SYNPR: variants seen among roughly 807,000 people sequenced by gnomAD.
The protein encoded by SYNPR is synaptoporin.
A neutral mutation model predicts 32.9 loss-of-function variants in SYNPR; 23 were observed. That is an observed-to-expected ratio of 0.70 (90% confidence interval 0.50 to 0.99). The LOEUF (loss-of-function observed/expected upper bound fraction) is 0.99, where lower values mean the gene tolerates loss of function less well. SYNPR is among the 50% of genes least tolerant of loss of function. The probability of loss-of-function intolerance (pLI) is 0.00; values close to 1 mark genes in which losing one functional copy is unlikely to be tolerated. For synonymous variants in SYNPR, 146 were observed against 135.9 expected (o/e 1.07, Z -0.52); for missense variants, 318 against 349.3 (o/e 0.91, Z 0.71).
chr3:63,284,905 T>C (rs1376706949), intron 2 of SYNPR, among the ~76,000 whole-genome samples: 1 of 152,232 alleles, frequency 6.6e-6, no homozygotes, highest in Non-Finnish European at 1.5e-5. Context: ...CTGTGTAACT[T>C]TAACATTCCC....
chr3:63,202,702 A>G, the SYNPR span, among the ~76,000 whole-genome samples: 6 of 152,326 alleles, frequency 3.9e-5, no homozygotes, highest in East Asian at 5.8e-4. Flanking sequence ...AGGATATTTC[A>G]TAATCAAACA....
At chr3:63,493,143 G>A (rs1701287387) in intron 3 of SYNPR, among the ~76,000 whole-genome samples, 1 of 152,058 alleles carries the variant, frequency 6.6e-6, no homozygotes, top group South Asian at 2.1e-4. Flanking sequence ...GGGTCAAGCT[G>A]GTGTCAACTG....
chr3:63,329,370 C>T (rs2087201062), intron 2 of SYNPR, among the ~76,000 whole-genome samples: 1 of 152,084 alleles, frequency 6.6e-6, no homozygotes, highest in Non-Finnish European at 1.5e-5. Flanking sequence ...CAAAGTGGCA[C>T]AGCTGTTTAG....
chr3:63,426,938 T>C (rs1373493486), intron 2 of SYNPR: 1 of 152,180 alleles, frequency 6.6e-6, no homozygotes, highest in African/African-American at 2.4e-5. Context: ...TTTAAAATAA[T>C]TTTAAAATAA....
intron 4 of SYNPR, among the ~76,000 whole-genome samples, chr3:63,595,747 AT>A (rs1559546194): frequency 0.014 from 669 of 47,372 alleles, 45 homozygotes; most frequent in East Asian, 0.079. Context: ...ATATATATAT[AT>A]ATATATATAT....
chr3:63,491,002 G>A (rs1701248935), intron 3 of SYNPR, among the ~76,000 whole-genome samples: 1 of 152,084 alleles, frequency 6.6e-6, no homozygotes, highest in Non-Finnish European at 1.5e-5. Flanking sequence ...GACCTCAGGT[G>A]ATCTGCCCAC....
At chr3:63,347,483 TA>T (rs55873629) in intron 2 of SYNPR, among the ~76,000 whole-genome samples, 2 of 152,338 alleles carry the variant, frequency 1.3e-5, no homozygotes, top group Non-Finnish European at 2.9e-5. Context: ...TTTGTTCTTT[TA>T]AAAACATTTG....
intron 3 of SYNPR, among the ~76,000 whole-genome samples, chr3:63,531,742 A>G (rs768588782): frequency 6.6e-6 from 1 of 152,196 alleles, no homozygotes; most frequent in South Asian, 2.1e-4. Flanking sequence ...AGCCCTGGGA[A>G]CAAATGAGGA....
chr3:63,406,174 T>A (rs1369928778), intron 2 of SYNPR, among the ~76,000 whole-genome samples: 1 of 151,314 alleles, frequency 6.6e-6, no homozygotes, highest in African/African-American at 2.4e-5. Flanking sequence ...AACATTCAAG[T>A]CTTGAGGTGC....
chr3:63,389,349 G>T (rs1575620487), intron 2 of SYNPR, among the ~76,000 whole-genome samples: 1 of 152,192 alleles, frequency 6.6e-6, no homozygotes. Flanking sequence ...CGTATCTGCA[G>T]CACAGTCTAA....
At chr3:63,371,088 A>G (rs1352122316) in intron 2 of SYNPR, among the ~76,000 whole-genome samples, 1 of 152,098 alleles carries the variant, frequency 6.6e-6, no homozygotes, top group Non-Finnish European at 1.5e-5. Context: ...GAGGAATGAG[A>G]CAAGACAACC....
chr3:63,378,633 A>G (rs1033008355), intron 2 of SYNPR, among the ~76,000 whole-genome samples: 2 of 151,878 alleles, frequency 1.3e-5, no homozygotes, highest in African/African-American at 4.8e-5. Flanking sequence ...AGTTATTCTC[A>G]TTCCTTTGCC....
At chr3:63,613,707 G>A (rs1700237413) in intron 5 of SYNPR, among the ~76,000 whole-genome samples, 1 of 146,774 alleles carries the variant, frequency 6.8e-6, no homozygotes, top group Middle Eastern at 3.7e-3. Context: ...CATTTAGTAA[G>A]TATTTGCTAA....
At chr3:63,604,734 G>A (rs186113181) in intron 4 of SYNPR, among the ~76,000 whole-genome samples, 173 of 152,218 alleles carry the variant, frequency 1.1e-3, no homozygotes, top group African/African-American at 3.8e-3. Context: ...AAAATTTACT[G>A]AGGATGGTAA....
intron 3 of SYNPR, among the ~76,000 whole-genome samples, chr3:63,270,949 T>TCTTC (rs1318042288): frequency 6.1e-5 from 3 of 48,874 alleles, no homozygotes; most frequent in Non-Finnish European, 1.1e-4. Flanking sequence ...TTCCTTCTTT[T>TCTTC]CTTCCTTCCT....
intron 3 of SYNPR, among the ~76,000 whole-genome samples, chr3:63,506,617 C>T (rs72887328): frequency 0.014 from 2,064 of 152,170 alleles, 45 homozygotes; most frequent in African/African-American, 0.047. Flanking sequence ...TATTTTTGTT[C>T]ATCTGGCATT....
chr3:63,520,240 T>C (rs17068897), intron 3 of SYNPR, among the ~76,000 whole-genome samples: 1,725 of 152,308 alleles, frequency 0.011, 40 homozygotes, highest in African/African-American at 0.039. Flanking sequence ...TGCAATGATA[T>C]ATCAGGAAGG....
chr3:63,304,733 C>T (rs2086893013), intron 2 of SYNPR, among the ~76,000 whole-genome samples: 1 of 151,714 alleles, frequency 6.6e-6, no homozygotes, highest in African/African-American at 2.4e-5. Flanking sequence ...AAGAATTTGT[C>T]ATGAACAGTT....
chr3:63,568,889 T>C (rs1702838971), intron 4 of SYNPR, among the ~76,000 whole-genome samples: 1 of 152,212 alleles, frequency 6.6e-6, no homozygotes, highest in South Asian at 2.1e-4. Flanking sequence ...CAAATAATCC[T>C]GACCTAAATA....
Sources: gnomAD v4.1 joint callset for allele counts (sites outside exome capture counted in the v4.1 genomes callset) on GRCh38, gnomAD v4.1.1 for gene constraint, MANE v1.5 for transcripts, NCBI Gene and HGNC (gene_info 2026-07-23, HGNC 2026-07-21) for gene names.